TRPM8: variants seen among roughly 807,000 people sequenced by gnomAD.
TRPM8 encodes TRPM8 cationic channel.
A neutral mutation model predicts 133.7 loss-of-function variants in TRPM8; 110 were observed. The observed-to-expected ratio is 0.82, with a 90% CI of 0.70 to 0.96. The LOEUF is 0.96. Ranked by LOEUF, TRPM8 falls within the 40% of genes least tolerant of loss-of-function variation. The pLI is 0.00. For synonymous variants in TRPM8, 535 were observed against 532.3 expected, an observed-to-expected ratio of 1.01 and a Z score of -0.07; for missense variants, 1,291 against 1,379.5, an observed-to-expected ratio of 0.94 and a Z score of 1.02.
chr2:233,963,266 T>A lies in TRPM8; in HGVS notation c.1654-16T>A. The A allele has an allele frequency of 3.8e-6, 6 of 1,589,692 alleles. No homozygotes were observed. Among genetic ancestry groups the A allele is most frequent in the Non-Finnish European group, 4.3e-6 (5 of 1,159,272 alleles). ...TTTCCATTTGCACATGCTGACCACA[T>A]GCTCTAACCCCCCAGGACGTGTCTC... On this transcript the variant is annotated splice_polypyrimidine_tract_variant and intron_variant, in intron 12 of 25. Transcript: ENST00000324695.
rs570954247 is a variant in TRPM8 at position 233,940,053 on chromosome 2, T to G, written c.526+878T>G. On this transcript the variant is annotated intron_variant, in intron 5 of 25. Coordinates refer to ENST00000324695, the MANE Select transcript of TRPM8 (RefSeq NM_024080.5). Reference sequence around the variant, plus strand: ...TTCCAAATCGATTTAGCTTTGTTTTTTTTTTTTTTCCTTACATTTGGAACT... The same window carrying G: ...TTCCAAATCGATTTAGCTTTGTTTTGTTTTTTTTTCCTTACATTTGGAACT... 2.2e-4 allele frequency among the ~76,000 whole-genome samples: 33 copies of G among 152,264 alleles called. No homozygotes were observed. In the East Asian group the frequency reaches 6.2e-3, roughly 29 times the overall value.
chr2:233,992,631 G>A (rs1382492479), intron 21 of TRPM8, among the ~76,000 whole-genome samples: 12 of 152,100 alleles, frequency 7.9e-5, no homozygotes, highest in African/African-American at 2.4e-4. Context: ...AGCTGTCACT[G>A]CATGTCTCCA....
At chr2:233,928,177 G>T (rs1255557129) in intron 2 of TRPM8, among the ~76,000 whole-genome samples, 1 of 151,664 alleles carries the variant, frequency 6.6e-6, no homozygotes, top group Non-Finnish European at 1.5e-5. Flanking sequence ...CACTGTGTTA[G>T]CCAGGATGGT....
rs1317767716 is a variant in TRPM8, at chr2:234,014,617, G to C, written c.*5G>C. On this transcript the variant is annotated 3_prime_UTR_variant, in exon 25 of 26. Coordinates refer to ENST00000324695, the MANE Select transcript of TRPM8 (RefSeq NM_024080.5). ...ATTGCTAATAAAATCAAATAAAACT[G>C]TATGAACTCTAATGGAGAAAAATCT... 1 of 1,510,066 alleles carries C rather than the reference G, an allele frequency of 6.6e-7. No homozygotes were observed. Among genetic ancestry groups the C allele is most frequent in the African/African-American group, 1.4e-5 (1 of 70,116 alleles). 93.5% of individuals were successfully genotyped at this position (1,510,066 alleles called of 1,614,324 possible).
chr2:233,953,933 A>T lies in TRPM8; in HGVS notation c.1157A>T (p.Glu386Val). ...TTTCGCCAGCTCAAAGAAATTCTCG[A>T]ATGTTCTCACCTATTAACAGTTATT... Reference protein sequence around the residue: ...SWIKWLKEILECSHLLTVIKM... With the variant: ...SWIKWLKEILVCSHLLTVIKM... Residue 386 changes from glutamate to valine, a missense_variant, in exon 10 of 26, where the codon GAA becomes GTA. Coordinates refer to ENST00000324695, the MANE Select transcript of TRPM8 (RefSeq NM_024080.5). 1 of 1,612,080 alleles carries T rather than the reference A, an allele frequency of 6.2e-7. No individual in the cohort carries two copies. The highest frequency in any genetic ancestry group is 8.5e-7 in the Non-Finnish European group (1 of 1,179,448).
intron 18 of TRPM8, among the ~76,000 whole-genome samples, chr2:233,981,477 T>C (rs1233331928): frequency 6.6e-6 from 1 of 152,142 alleles, no homozygotes; most frequent in Non-Finnish European, 1.5e-5. Flanking sequence ...AAGTTAGCAA[T>C]AGCACGGTTA....
rs151304365 is a variant in TRPM8, at chr2:233,980,278, C to A, written c.2446C>A (p.Arg816=). The change falls in exon 18 of 26, where the codon CGG becomes AGG. Residue 816 remains arginine, a splice_region_variant and synonymous_variant. Transcript: ENST00000324695. ...TTACTTCATAGCAGGAATTGTATTT[C>A]GGTAAGTAGTCTCATCACTTTTCCT... is the stretch of plus-strand genomic sequence containing the variant. ...LFYFIAGIVF[R]LHSSNKSSLY... The A allele has an allele frequency of 3.8e-6, 6 of 1,585,552 alleles. No homozygotes were observed. The African/African-American group carries it at 6.8e-5, about 18-fold the overall frequency.
chr2:233,987,773 G>A (rs1045126040), intron 21 of TRPM8, among the ~76,000 whole-genome samples: 3 of 152,184 alleles, frequency 2.0e-5, no homozygotes, highest in Non-Finnish European at 4.4e-5. Flanking sequence ...AATCATGGGA[G>A]CGGTTTCCCC....
At chr2:233,937,064 G>T (rs2108810) in intron 3 of TRPM8, among the ~76,000 whole-genome samples, 62,981 of 151,610 alleles carry the variant, frequency 0.42, 18,473 homozygotes, top group African/African-American at 0.81. Flanking sequence ...GCCCAGCTGA[G>T]TTTTGTATTT....
intron 16 of TRPM8, 32 bp from the exon 17 acceptor site, chr2:233,970,178 G>T: frequency 5.0e-6 from 8 of 1,594,778 alleles, no homozygotes; most frequent in Non-Finnish European, 6.9e-6. Context: ...TGCTTGCAAG[G>T]ATGCTGACGA....
intron 25 of TRPM8, among the ~76,000 whole-genome samples, chr2:234,016,218 T>A (rs1478124871): frequency 6.6e-6 from 1 of 151,350 alleles, no homozygotes; most frequent in Non-Finnish European, 1.5e-5. Context: ...GGTGTAGACA[T>A]TTGCATCTAC....
chr2:233,923,446 G>T lies in TRPM8; in HGVS notation c.-5-3087G>T, dbSNP rs1691450489. Among the ~76,000 whole-genome samples, 4 of 152,144 alleles carry T rather than the reference G, an allele frequency of 2.6e-5. No homozygotes were observed. In the South Asian group the frequency reaches 8.3e-4, roughly 32 times the overall value. ...CTAGGTGTGGTGCAGCTGTACCAAG[G>T]TTTTCCCTCCTTGGTGGGGTGGGCT... On this transcript the variant is annotated intron_variant, in intron 1 of 25. Transcript: ENST00000324695.
intron 15 of TRPM8, among the ~76,000 whole-genome samples, chr2:233,967,720 G>T (rs529189098): frequency 6.6e-6 from 1 of 152,176 alleles, no homozygotes; most frequent in African/African-American, 2.4e-5. Flanking sequence ...AGGAGCATGC[G>T]GAGAGCGTCT....
intron 11 of TRPM8, among the ~76,000 whole-genome samples, chr2:233,956,463 A>G (rs1367260016): frequency 6.6e-6 from 1 of 152,230 alleles, no homozygotes; most frequent in Non-Finnish European, 1.5e-5. Context: ...AATGAAAATT[A>G]TTATAAACCA....
chr2:233,936,284 T>A (rs1375199611), intron 3 of TRPM8, among the ~76,000 whole-genome samples: 1 of 152,202 alleles, frequency 6.6e-6, no homozygotes, highest in Non-Finnish European at 1.5e-5. Flanking sequence ...GGATTTTCGG[T>A]CAGTATCTGT....
intron 22 of TRPM8, among the ~76,000 whole-genome samples, chr2:234,004,889 C>T (rs186815656): frequency 6.6e-6 from 1 of 152,296 alleles, no homozygotes; most frequent in Non-Finnish European, 1.5e-5. Context: ...ACTAATAATA[C>T]ATCGCAAAAT....
chr2:233,998,702 T>C (rs1692471985), intron 22 of TRPM8, among the ~76,000 whole-genome samples: 2 of 150,668 alleles, frequency 1.3e-5, no homozygotes. Flanking sequence ...CCAGTTAGGG[T>C]GAGCCGCCTG....
intron 21 of TRPM8, among the ~76,000 whole-genome samples, chr2:233,992,790 G>A (rs764052219): frequency 7.2e-5 from 11 of 152,292 alleles, no homozygotes; most frequent in South Asian, 2.1e-4. Flanking sequence ...CAGATGGGGC[G>A]GGTGAGACCC....
At position 234,018,549 on chromosome 2, in the gene TRPM8, T is replaced by C. The variant is rs921971464; in HGVS notation, c.*1293T>C. 3.3e-5 allele frequency: 5 copies of C among 152,012 alleles called. No homozygotes were observed. Among genetic ancestry groups the C allele is most frequent in the Admixed American group, 3.3e-4 (5 of 15,258 alleles). 9.4% of individuals were successfully genotyped at this position (152,012 alleles called of 1,614,324 possible). A position where few individuals can be genotyped will look rare whatever the true frequency, so the allele number is the denominator to read the frequency against. ...GATACATGAACCTGAACTATTAAAA[T>C]AAAATATTATATTTAACCCTTAGTT... On this transcript the variant is annotated 3_prime_UTR_variant, in exon 26 of 26. Coordinates refer to ENST00000324695, the MANE Select transcript of TRPM8 (RefSeq NM_024080.5).
Sources: gnomAD v4.1 joint callset for allele counts (sites outside exome capture counted in the v4.1 genomes callset) on GRCh38, gnomAD v4.1.1 for gene constraint, MANE v1.5 for transcripts, NCBI Gene and HGNC (gene_info 2026-07-23, HGNC 2026-07-21) for gene names.